The following NEDD1 variants were observed in gnomAD, a reference collection of about 807,000 sequenced individuals.
NEDD1 encodes the protein NEDD1 gamma-tubulin ring complex targeting factor.
A neutral mutation model predicts 74.0 loss-of-function variants in NEDD1; 33 were observed. The observed-to-expected ratio is 0.45, with a 90% CI of 0.34 to 0.60. The LOEUF (loss-of-function observed/expected upper bound fraction) is 0.60, where lower values mean the gene tolerates loss of function less well. Among genes scored for constraint, NEDD1 ranks in the 20% least tolerant of loss-of-function variants. NEDD1 has a pLI of 0.01. For synonymous variants in NEDD1, 250 were observed against 264.4 expected (o/e 0.95, Z 0.53); for missense variants, 746 against 776.5 (o/e 0.96, Z 0.47).
intron 6 of NEDD1, among the ~76,000 whole-genome samples, chr12:96,930,189 ACACACACACACACACACACACACTCTCT>A (rs1387627833): frequency 5.8e-4 from 45 of 77,958 alleles, no homozygotes; most frequent in African/African-American, 1.5e-3. Context: ...ACACACACAC[ACACACACACACACACACACACACTCTCT>A]CTCTCTCTCT....
chr12:96,934,499 T>C lies in NEDD1; in HGVS notation c.490-477T>C, dbSNP rs77275962. On this transcript the variant is annotated intron_variant, in intron 6 of 15. Coordinates refer to ENST00000266742, the MANE Select transcript of NEDD1 (RefSeq NM_152905.4). ...TTGTTACCCTTTCTTTTCTTTTCTT[T>C]TCTTTTTTTTTTTTAAGACAGAGTT... Among the ~76,000 whole-genome samples, 664 of 151,062 alleles carry C rather than the reference T, an allele frequency of 4.4e-3. 4 individuals carry two copies. Among genetic ancestry groups the C allele is most frequent in the African/African-American group, 0.016 (632 of 40,628 alleles).
At position 96,935,110 on chromosome 12, in the gene NEDD1, A is replaced by G; in HGVS notation, c.624A>G (p.Pro208=). Residue 208 remains proline (P), a synonymous_variant, in exon 7 of 16, where the codon CCA becomes CCG. Coordinates refer to ENST00000266742, the MANE Select transcript of NEDD1 (RefSeq NM_152905.4). Reference sequence around the variant, plus strand: ...ACTTTGACAGTGTACACAAAGCTCCAGCGTCAGGCATCTGTTTTTCTCCTG... The same window carrying G: ...ACTTTGACAGTGTACACAAAGCTCCGGCGTCAGGCATCTGTTTTTCTCCTG... ...YHNFDSVHKA[P]ASGICFSPVN... 6.2e-7 allele frequency: 1 copy of G among 1,613,156 alleles called. No individual in the cohort carries two copies. The highest frequency in any genetic ancestry group is 1.1e-5 in the South Asian group (1 of 91,068).
In NEDD1 at chr12:96,909,904, T is replaced by TAAA; in HGVS notation, c.136+19_136+21dup. 7.1e-7 allele frequency: 1 copy of TAAA among 1,402,806 alleles called. No homozygotes were observed. Among genetic ancestry groups the TAAA allele is most frequent in the Non-Finnish European group, 9.6e-7 (1 of 1,037,894 alleles). The allele number at this position is 1,402,806 out of a possible 1,614,324, so 86.9% of individuals were successfully genotyped here. On this transcript the variant is annotated intron_variant, in intron 3 of 15. Transcript: ENST00000266742. ...ATGTTGGAGCAGCAATAGTATCCTT[T>TAAA]AAAAAAAAAAAACACACACACACAC... is the stretch of plus-strand genomic sequence containing the variant.
chr12:96,907,373 C>T (rs1873424354), intron 1 of NEDD1, 73 bp downstream of exon 1: 1 of 448,858 alleles, frequency 2.2e-6, no homozygotes, highest in South Asian at 4.1e-5. Flanking sequence ...ATCCTAAGAC[C>T]CGCTCCGTCC....
intron 14 of NEDD1, among the ~76,000 whole-genome samples, chr12:96,951,166 T>C (rs552304084): frequency 3.0e-4 from 46 of 151,950 alleles, no homozygotes; most frequent in Non-Finnish European, 5.2e-4. Flanking sequence ...TTATATCTAC[T>C]CTGGTTAAGT....
Position 96,943,753 on chromosome 12 carries a change from C to A in NEDD1, c.1488C>A (p.Ser496=), listed in dbSNP as rs189125682. 15 of 1,602,302 alleles carry A rather than the reference C, an allele frequency of 9.4e-6. No individual in the cohort carries two copies. Among genetic ancestry groups the A allele is most frequent in the Admixed American group, 1.7e-5 (1 of 59,790 alleles). Residue 496 remains serine (S), a synonymous_variant, in exon 12 of 16, where the codon TCC becomes TCA. Coordinates refer to ENST00000266742, the MANE Select transcript of NEDD1 (RefSeq NM_152905.4). ...IYMGKQESKD[S]FKQLAKLVTS... ...TGGGAAAACAGGAATCTAAAGACTCCTTCAAACAGGTATTTGCCTGAAAAT... is the reference window on the plus strand; with the variant it reads ...TGGGAAAACAGGAATCTAAAGACTCATTCAAACAGGTATTTGCCTGAAAAT...
At chr12:96,945,479 C>A (rs1454099055) in intron 13 of NEDD1, among the ~76,000 whole-genome samples, 1 of 151,992 alleles carries the variant, frequency 6.6e-6, no homozygotes, top group Non-Finnish European at 1.5e-5. Context: ...CATTAGACAG[C>A]TGGCAGTTTA....
At chr12:96,942,295 A>G (rs1350938026) in intron 10 of NEDD1, among the ~76,000 whole-genome samples, 1 of 152,104 alleles carries the variant, frequency 6.6e-6, no homozygotes. Context: ...ATAGCTCTCC[A>G]TAACCTACCC....
chr12:96,938,017 A>G (rs537178256), intron 9 of NEDD1, among the ~76,000 whole-genome samples: 1 of 152,142 alleles, frequency 6.6e-6, no homozygotes, highest in Non-Finnish European at 1.5e-5. Flanking sequence ...TACTTTAGAA[A>G]GTCTACATGG....
chr12:96,935,192 A>C lies in NEDD1; in HGVS notation c.706A>C (p.Thr236Pro). Residue 236 changes from threonine (T) to proline (P), a missense_variant, in exon 7 of 16, where the codon ACT (threonine) becomes CCT (proline). Transcript: ENST00000266742. ...GGATAAAAGAATCATCCTCTATGACACTTCAAGTAAGAAGTAAGTGTGACA... is the reference window on the plus strand; with the variant it reads ...GGATAAAAGAATCATCCTCTATGACCCTTCAAGTAAGAAGTAAGTGTGACA... Reference protein sequence around the residue: ...GLDKRIILYDTSSKKLVKTLV... With the variant: ...GLDKRIILYDPSSKKLVKTLV... 6.4e-7 allele frequency: 1 copy of C among 1,567,112 alleles called. No homozygotes were observed. Among genetic ancestry groups the C allele is most frequent in the Non-Finnish European group, 8.8e-7 (1 of 1,137,150 alleles).
chr12:96,913,295 A>G (rs1874111803), intron 4 of NEDD1, among the ~76,000 whole-genome samples: 1 of 151,832 alleles, frequency 6.6e-6, no homozygotes, highest in South Asian at 2.1e-4. Flanking sequence ...TACTCTCCTT[A>G]AACAGGTTGG....
chr12:96,952,940 A>G lies in NEDD1; in HGVS notation c.*887A>G, dbSNP rs893467447. On this transcript the variant is annotated 3_prime_UTR_variant, in exon 16 of 16. Coordinates refer to ENST00000266742, the MANE Select transcript of NEDD1 (RefSeq NM_152905.4). ...TTTGTGGTCTTTATCATTAACTTTA[A>G]TTCTTTCTGTACTGTGTATAATATT... is the stretch of plus-strand genomic sequence containing the variant. The G allele has an allele frequency of 4.6e-5, 7 of 151,534 alleles. No individual in the cohort carries two copies. Among genetic ancestry groups the G allele is most frequent in the Non-Finnish European group, 1.0e-4 (7 of 67,618 alleles). 9.4% of individuals were successfully genotyped at this position (151,534 alleles called of 1,614,324 possible).
At chr12:96,920,728 C>G (rs1874987016) in intron 6 of NEDD1, among the ~76,000 whole-genome samples, 1 of 152,120 alleles carries the variant, frequency 6.6e-6, no homozygotes, top group Admixed American at 6.5e-5. Context: ...GGTTGACTTT[C>G]CATAAGATTC....
intron 4 of NEDD1, among the ~76,000 whole-genome samples, chr12:96,913,872 A>C (rs966597172): frequency 6.6e-6 from 1 of 152,116 alleles, no homozygotes. Flanking sequence ...TCATAATTTT[A>C]CACACTGGGA....
At chr12:96,921,520 C>T (rs765017769) in intron 6 of NEDD1, among the ~76,000 whole-genome samples, 8 of 152,010 alleles carry the variant, frequency 5.3e-5, no homozygotes, top group African/African-American at 1.2e-4. Context: ...ATTGGTGGAA[C>T]CATGGCCTGT....
intron 6 of NEDD1, among the ~76,000 whole-genome samples, chr12:96,920,695 G>T (rs1397513113): frequency 1.3e-5 from 2 of 152,104 alleles, no homozygotes; most frequent in African/African-American, 4.8e-5. Context: ...AATAAATTCA[G>T]TTTTTCAAGG....
At chr12:96,912,086 G>A (rs995148295) in intron 3 of NEDD1, among the ~76,000 whole-genome samples, 26 of 151,568 alleles carry the variant, frequency 1.7e-4, no homozygotes, top group Non-Finnish European at 2.1e-4. Flanking sequence ...TTTACAATTC[G>A]TGTAAAAGAA....
chr12:96,934,430 T>C (rs2136579798), intron 6 of NEDD1, among the ~76,000 whole-genome samples: 2 of 152,138 alleles, frequency 1.3e-5, no homozygotes, highest in South Asian at 4.1e-4. Context: ...TGGTATGTCA[T>C]CTTATGGTCC....
chr12:96,930,262 GT>G (rs1876312390), intron 6 of NEDD1, among the ~76,000 whole-genome samples: 1 of 150,436 alleles, frequency 6.6e-6, no homozygotes, highest in Admixed American at 6.6e-5. Context: ...CACATGCTGT[GT>G]TGGGGATTTC....
Sources: gnomAD v4.1 joint callset for allele counts (sites outside exome capture counted in the v4.1 genomes callset) on GRCh38, gnomAD v4.1.1 for gene constraint, MANE v1.5 for transcripts, NCBI Gene and HGNC (gene_info 2026-07-23, HGNC 2026-07-21) for gene names.